AGMO: variants seen among roughly 807,000 people sequenced by gnomAD.
AGMO encodes the protein glyceryl-ether monooxygenase.
A neutral mutation model predicts 60.2 loss-of-function variants in AGMO; 75 were observed. That is an observed-to-expected ratio of 1.25 (90% CI 1.03 to 1.51). The LOEUF (loss-of-function observed/expected upper bound fraction) is 1.51, where lower values mean the gene tolerates loss of function less well. Among genes scored for constraint, AGMO ranks in the 40% most tolerant of loss-of-function variants. The pLI, the probability that AGMO is intolerant of heterozygous loss-of-function variation, is 0.00. For synonymous variants in AGMO, 261 were observed against 177.1 expected, an observed-to-expected ratio of 1.47 and a Z score of -3.76; for missense variants, 763 against 525.5, an observed-to-expected ratio of 1.45 and a Z score of -4.42.
At chr7:15,261,097 C>T (rs753978483) in intron 12 of AGMO, among the ~76,000 whole-genome samples, 1 of 151,892 alleles carries the variant, frequency 6.6e-6, no homozygotes, top group Non-Finnish European at 1.5e-5. Context: ...TAAAGTCACA[C>T]CTTATAAAAC....
intron 3 of AGMO, among the ~76,000 whole-genome samples, chr7:15,495,607 C>G (rs1562536213): frequency 6.6e-6 from 1 of 152,116 alleles, no homozygotes; most frequent in African/African-American, 2.4e-5. Context: ...CATTTACTGT[C>G]TTAGTCTGCT....
intron 6 of AGMO, 25 bp from the exon 7 acceptor site, chr7:15,390,930 T>A: frequency 6.8e-7 from 1 of 1,467,838 alleles, no homozygotes; most frequent in Non-Finnish European, 9.3e-7. Context: ...ATTAGAAATT[T>A]TTTTTCAGAA....
chr7:15,320,781 T>C (rs939059977), intron 12 of AGMO, among the ~76,000 whole-genome samples: 4 of 152,140 alleles, frequency 2.6e-5, no homozygotes, highest in African/African-American at 7.2e-5. Context: ...ATCTACAAAT[T>C]AGGGAAATCT....
At chr7:15,536,822 T>C (rs1784494765) in intron 3 of AGMO, among the ~76,000 whole-genome samples, 1 of 152,018 alleles carries the variant, frequency 6.6e-6, no homozygotes, top group Admixed American at 6.6e-5. Context: ...CACAGCCGTC[T>C]TTCATTATGC....
intron 3 of AGMO, among the ~76,000 whole-genome samples, chr7:15,514,910 C>A (rs1783769929): frequency 6.6e-6 from 1 of 152,170 alleles, no homozygotes; most frequent in Non-Finnish European, 1.5e-5. Flanking sequence ...AGGAGAGAAG[C>A]TACATCATCT....
intron 3 of AGMO, among the ~76,000 whole-genome samples, chr7:15,483,514 C>CG (rs1224256145): frequency 6.6e-6 from 1 of 152,018 alleles, no homozygotes; most frequent in Non-Finnish European, 1.5e-5. Flanking sequence ...TGCAGTGAGC[C>CG]GCGATAGATC....
chr7:15,199,173 T>C (rs1781209384), downstream of AGMO, among the ~76,000 whole-genome samples: 1 of 152,182 alleles, frequency 6.6e-6, no homozygotes, highest in African/African-American at 2.4e-5. Context: ...TTTTCACTGT[T>C]ATAATTTTTG....
intron 3 of AGMO, among the ~76,000 whole-genome samples, chr7:15,527,542 A>T (rs922634364): frequency 2.0e-5 from 3 of 152,218 alleles, no homozygotes; most frequent in Non-Finnish European, 2.9e-5. Context: ...TAAAAGCACA[A>T]GACAAGCCAA....
intron 10 of AGMO, among the ~76,000 whole-genome samples, chr7:15,370,837 ACTGT>A (rs1309261821): frequency 2.8e-4 from 43 of 152,030 alleles, no homozygotes; most frequent in African/African-American, 6.5e-4. Flanking sequence ...CATTCTGTAG[ACTGT>A]CTGTTTACTC....
intron 12 of AGMO, among the ~76,000 whole-genome samples, chr7:15,349,160 T>C (rs73298339): frequency 0.028 from 4,233 of 152,200 alleles, 154 homozygotes; most frequent in African/African-American, 0.089. Context: ...TACAGGCCTA[T>C]CATCAGTTCT....
the AGMO span, among the ~76,000 whole-genome samples, chr7:15,164,114 CT>C: frequency 6.6e-6 from 1 of 152,098 alleles, no homozygotes; most frequent in Non-Finnish European, 1.5e-5. Context: ...ACCAACTGAT[CT>C]TTAACAAAGT....
chr7:15,354,362 G>C (rs1351923100), intron 12 of AGMO, among the ~76,000 whole-genome samples: 9 of 80,780 alleles, frequency 1.1e-4, no homozygotes, highest in African/African-American at 5.7e-4. Context: ...ATAGACGTGT[G>C]TATATAGACG....
chr7:15,335,619 T>C (rs912595031), intron 12 of AGMO, among the ~76,000 whole-genome samples: 4 of 152,274 alleles, frequency 2.6e-5, no homozygotes, highest in South Asian at 2.1e-4. Flanking sequence ...CCTGAAAATA[T>C]ATACTAGCGA....
intron 3 of AGMO, among the ~76,000 whole-genome samples, chr7:15,450,439 A>G (rs905417327): frequency 6.6e-6 from 1 of 152,022 alleles, no homozygotes; most frequent in Non-Finnish European, 1.5e-5. Flanking sequence ...AAAAAGAAAA[A>G]AAATTTGTAT....
intron 3 of AGMO, among the ~76,000 whole-genome samples, chr7:15,485,905 T>A (rs1480405038): frequency 6.6e-6 from 1 of 152,114 alleles, no homozygotes; most frequent in Non-Finnish European, 1.5e-5. Context: ...ATTCTAAGGG[T>A]TTAGGCATAG....
intron 3 of AGMO, among the ~76,000 whole-genome samples, chr7:15,541,114 T>C (rs1277069247): frequency 2.0e-5 from 3 of 152,126 alleles, no homozygotes; most frequent in Admixed American, 6.6e-5. Flanking sequence ...TGTTTGTTTG[T>C]TTTTTTGTTT....
chr7:15,355,521 AAAAG>A (rs1264500647), intron 12 of AGMO, among the ~76,000 whole-genome samples: 2 of 151,462 alleles, frequency 1.3e-5, no homozygotes, highest in African/African-American at 4.9e-5. Flanking sequence ...AAAAAAAAAA[AAAAG>A]AAGGTAAGAT....
intron 3 of AGMO, among the ~76,000 whole-genome samples, chr7:15,476,195 T>C (rs1434364280): frequency 6.6e-6 from 1 of 152,110 alleles, no homozygotes; most frequent in African/African-American, 2.4e-5. Flanking sequence ...TCAAGAATCC[T>C]TGCTGCTCGA....
At chr7:15,464,477 C>T (rs537137366) in intron 3 of AGMO, among the ~76,000 whole-genome samples, 62 of 152,238 alleles carry the variant, frequency 4.1e-4, no homozygotes, top group African/African-American at 1.4e-3. Flanking sequence ...ACAAGTAAGT[C>T]GTACCAATGT....
Sources: allele counts gnomAD v4.1 joint callset (sites outside exome capture counted in the v4.1 genomes callset), GRCh38; gene constraint gnomAD v4.1.1; transcripts MANE v1.5; gene names NCBI Gene and HGNC (gene_info 2026-07-23, HGNC 2026-07-21).